Variants in CHN1 observed in about 807,000 individuals in gnomAD.
The protein encoded by CHN1 is chimerin 1.
CHN1 carries 37 observed loss-of-function variants against 59.5 expected under a neutral mutation model. That is an observed-to-expected ratio of 0.62 (90% CI 0.48 to 0.82). The LOEUF (loss-of-function observed/expected upper bound fraction) is 0.82. CHN1 is among the 40% of genes least tolerant of loss of function. The pLI is 0.00. For missense variants in CHN1, 469 were observed against 571.0 expected, an observed-to-expected ratio of 0.82 and a Z score of 1.82; for synonymous variants, 206 against 200.4, an observed-to-expected ratio of 1.03 and a Z score of -0.24.
intron 11 of CHN1, among the ~76,000 whole-genome samples, chr2:174,803,637 C>T (rs112431002): frequency 2.1e-4 from 32 of 152,330 alleles, no homozygotes; most frequent in Admixed American, 9.8e-4. Context: ...TCACTGCAGC[C>T]TCGACTTCCT....
chr2:174,947,831 A>G (rs182431159), intron 2 of CHN1, among the ~76,000 whole-genome samples: 2 of 152,248 alleles, frequency 1.3e-5, no homozygotes, highest in East Asian at 1.9e-4. Context: ...GATTCAAAAA[A>G]CACCTATCAA....
At chr2:174,912,329 A>G (rs1303102877) in intron 5 of CHN1, among the ~76,000 whole-genome samples, 1 of 152,252 alleles carries the variant, frequency 6.6e-6, no homozygotes, top group Non-Finnish European at 1.5e-5. Flanking sequence ...TTACAAATAC[A>G]ATAAAATACA....
At chr2:174,942,321 T>C (rs1689690593) in intron 3 of CHN1, among the ~76,000 whole-genome samples, 1 of 152,160 alleles carries the variant, frequency 6.6e-6, no homozygotes, top group Non-Finnish European at 1.5e-5. Flanking sequence ...TGGAATACCA[T>C]TCAGCCATTA....
rs147357508 is a variant in CHN1, at chr2:174,951,867, A to C, written c.58+297T>G. ...AAATAATTAGACTGTTTGAATTCTC[A>C]GTGTCTCCTTGTATTAGCTTCATTA... is the stretch of plus-strand genomic sequence containing the variant. On this transcript the variant is annotated intron_variant, in intron 2 of 12. Transcript: ENST00000409900. Among the ~76,000 whole-genome samples the C allele has an allele frequency of 1.9e-3, 285 of 152,294 alleles. 1 individual carries two copies. The highest frequency in any genetic ancestry group is 8.7e-3 in the East Asian group (45 of 5,186).
intron 5 of CHN1, among the ~76,000 whole-genome samples, chr2:174,894,776 T>C (rs1449208100): frequency 6.6e-6 from 1 of 152,128 alleles, no homozygotes. Context: ...GTCCACCTCA[T>C]ACATGGTTTC....
intron 2 of CHN1, among the ~76,000 whole-genome samples, chr2:174,949,857 T>G (rs1689961463): frequency 6.6e-6 from 1 of 152,244 alleles, no homozygotes. Flanking sequence ...ATAAAATATC[T>G]ATTTTAATAA....
chr2:174,887,429 T>C (rs779316514), intron 5 of CHN1, among the ~76,000 whole-genome samples: 42 of 152,190 alleles, frequency 2.8e-4, no homozygotes, highest in Admixed American at 1.3e-4. Flanking sequence ...ACTTTTTGAG[T>C]GTTATATCCT....
intron 1 of CHN1, among the ~76,000 whole-genome samples, chr2:174,963,950 A>C (rs950581984): frequency 1.3e-5 from 2 of 152,248 alleles, no homozygotes; most frequent in African/African-American, 4.8e-5. Context: ...TGATGTAAAA[A>C]CATAAACAAA....
chr2:175,003,985 T>C (rs1042607533), intron 1 of CHN1, among the ~76,000 whole-genome samples: 2 of 152,258 alleles, frequency 1.3e-5, no homozygotes, highest in African/African-American at 4.8e-5. Flanking sequence ...AAAACTGAAC[T>C]GGAAACTTGA....
intron 5 of CHN1, among the ~76,000 whole-genome samples, chr2:174,902,712 A>T (rs868658962): frequency 2.3e-4 from 35 of 152,358 alleles, no homozygotes; most frequent in African/African-American, 6.0e-4. Flanking sequence ...AACACACAGT[A>T]CATTACACGT....
intron 6 of CHN1, among the ~76,000 whole-genome samples, chr2:174,848,538 C>G (rs1367702893): frequency 6.6e-6 from 1 of 152,066 alleles, no homozygotes; most frequent in Non-Finnish European, 1.5e-5. Flanking sequence ...TTTAAAGCAT[C>G]TAAAATTCTA....
chr2:174,983,653 C>G (rs772842666), intron 1 of CHN1, among the ~76,000 whole-genome samples: 16 of 152,014 alleles, frequency 1.1e-4, no homozygotes, highest in Non-Finnish European at 1.8e-4. Flanking sequence ...TATGGTGAAA[C>G]CCCGTCTCTA....
At chr2:174,983,517 C>T (rs1691231674) in intron 1 of CHN1, among the ~76,000 whole-genome samples, 2 of 152,024 alleles carry the variant, frequency 1.3e-5, no homozygotes, top group Non-Finnish European at 2.9e-5. Context: ...CTTCAGAACT[C>T]ATACATTCAT....
intron 6 of CHN1, among the ~76,000 whole-genome samples, chr2:174,876,320 A>C (rs1687564010): frequency 6.6e-6 from 1 of 152,178 alleles, no homozygotes; most frequent in Non-Finnish European, 1.5e-5. Flanking sequence ...ATTTTGAAAG[A>C]CTCACATGTA....
chr2:174,988,882 A>C (rs1164055522), intron 1 of CHN1, among the ~76,000 whole-genome samples: 2 of 152,232 alleles, frequency 1.3e-5, no homozygotes, highest in East Asian at 1.9e-4. Flanking sequence ...ATTTCAGTTC[A>C]CATTACCATT....
At chr2:174,963,502 GA>G (rs1357520074) in intron 1 of CHN1, among the ~76,000 whole-genome samples, 6 of 152,144 alleles carry the variant, frequency 3.9e-5, no homozygotes, top group African/African-American at 1.4e-4. Context: ...AGAACACAGT[GA>G]AAAAGAGGGC....
chr2:174,908,245 A>G (rs1688596091), intron 5 of CHN1, among the ~76,000 whole-genome samples: 1 of 152,198 alleles, frequency 6.6e-6, no homozygotes, highest in African/African-American at 2.4e-5. Flanking sequence ...TAAAATCTGT[A>G]AGGATACAGA....
intron 5 of CHN1, among the ~76,000 whole-genome samples, chr2:174,901,401 T>C (rs1688385591): frequency 2.0e-5 from 3 of 152,170 alleles, no homozygotes; most frequent in Admixed American, 1.3e-4. Context: ...AATCAGACTT[T>C]CCTTTCTCAG....
At chr2:174,995,775 C>T (rs1010563786) in intron 1 of CHN1, among the ~76,000 whole-genome samples, 7 of 152,204 alleles carry the variant, frequency 4.6e-5, no homozygotes, top group Non-Finnish European at 7.3e-5. Context: ...CTTTGTCCAG[C>T]ATATCCATGC....
Sources: gnomAD v4.1 joint callset for allele counts (sites outside exome capture counted in the v4.1 genomes callset) on GRCh38, gnomAD v4.1.1 for gene constraint, MANE v1.5 for transcripts, NCBI Gene and HGNC (gene_info 2026-07-23, HGNC 2026-07-21) for gene names.